Variants in PLEKHM3 observed in about 807,000 individuals in gnomAD.
PLEKHM3 encodes pleckstrin homology domain-containing family M member 3.
A neutral mutation model predicts 81.8 loss-of-function variants in PLEKHM3; 45 were observed. The observed-to-expected ratio is 0.55, with a 90% confidence interval of 0.43 to 0.71. The LOEUF (loss-of-function observed/expected upper bound fraction) is 0.71. Ranked by LOEUF, PLEKHM3 falls within the 30% of genes least tolerant of loss-of-function variation. PLEKHM3 has a pLI of 0.00. For missense variants in PLEKHM3, 788 were observed against 924.3 expected, an observed-to-expected ratio of 0.85 and a Z score of 1.91; for synonymous variants, 352 against 356.4, an observed-to-expected ratio of 0.99 and a Z score of 0.14.
Position 208,023,743 on chromosome 2 carries a change from C to T in PLEKHM3, c.-319+1646G>A, listed in dbSNP as rs374112093. Reference sequence around the variant, plus strand: ...CCCGCTCTGTGGAAAAATGGTCTTCCGGTCCCTGGTGCCAAAAACCACCAG... The same window carrying T: ...CCCGCTCTGTGGAAAAATGGTCTTCTGGTCCCTGGTGCCAAAAACCACCAG... On this transcript the variant is annotated intron_variant, in intron 1 of 7. Transcript: ENST00000427836. Among the ~76,000 whole-genome samples the T allele has an allele frequency of 4.1e-4, 63 of 152,206 alleles. 1 individual carries two copies. In the South Asian group the frequency reaches 0.013, roughly 32 times the overall value.
At chr2:207,846,009 C>G (rs376323849) in intron 7 of PLEKHM3, among the ~76,000 whole-genome samples, 1 of 152,184 alleles carries the variant, frequency 6.6e-6, no homozygotes. Flanking sequence ...GATCTTACTC[C>G]TTTTGTCAAT....
At position 208,001,264 on chromosome 2, in the gene PLEKHM3, G is replaced by A. The variant is rs575510801; in HGVS notation, c.376C>T (p.Arg126Trp). ...TTTACAGAACGAGGCCGGTCCCTCC[G>A]ACGCTGACAGATATTGAAGAAATTA... is the stretch of plus-strand genomic sequence containing the variant. ...TFNFFNICQR[R>W]RDRPRSVNDL... is the part of the protein sequence containing the mutation. The change falls in exon 2 of 8, where the codon CGG (arginine) becomes TGG (tryptophan). Residue 126 changes from arginine to tryptophan, a missense_variant. Arg to Trp is a moderately radical substitution (Grantham distance 101). Transcript: ENST00000427836. The A allele has an allele frequency of 3.0e-5, 48 of 1,614,146 alleles. No homozygotes were observed. The highest frequency in any genetic ancestry group is 1.1e-4 in the East Asian group (5 of 44,874).
rs55687340 is a variant in PLEKHM3, at chr2:207,832,994, C to A, written c.2109-4498G>T. Among the ~76,000 whole-genome samples the A allele has an allele frequency of 5.2e-3, 796 of 151,852 alleles. 9 individuals carry two copies. Among genetic ancestry groups the A allele is most frequent in the African/African-American group, 0.018 (756 of 41,378 alleles). On this transcript the variant is annotated intron_variant, in intron 7 of 7. Transcript: ENST00000427836. ...AGGCGTGGTGGCGTGTGCCTGTAAT[C>A]CCAGCTACCTGTGAGGCTAAGGCAC...
At chr2:207,867,145 T>C (rs2092506079) in intron 6 of PLEKHM3, among the ~76,000 whole-genome samples, 1 of 152,212 alleles carries the variant, frequency 6.6e-6, no homozygotes, top group Non-Finnish European at 1.5e-5. Context: ...CTGTCAGCAG[T>C]CATATCTTAG....
chr2:207,865,243 C>T (rs2092489134), intron 6 of PLEKHM3, among the ~76,000 whole-genome samples: 1 of 152,154 alleles, frequency 6.6e-6, no homozygotes, highest in Non-Finnish European at 1.5e-5. Context: ...TCCCGTCATT[C>T]ACCACATTTC....
chr2:207,853,136 T>C (rs2092421226), intron 7 of PLEKHM3, among the ~76,000 whole-genome samples: 1 of 152,250 alleles, frequency 6.6e-6, no homozygotes, highest in Non-Finnish European at 1.5e-5. Context: ...GTATGCTCAA[T>C]AGATTATTTA....
At chr2:207,975,832 A>AAG in intron 3 of PLEKHM3, among the ~76,000 whole-genome samples, 1 of 151,326 alleles carries the variant, frequency 6.6e-6, no homozygotes, top group Non-Finnish European at 1.5e-5. Flanking sequence ...CCTGACCTCA[A>AAG]GTAATCCACC....
chr2:207,941,912 G>A (rs1477278407), intron 4 of PLEKHM3, among the ~76,000 whole-genome samples: 6 of 152,148 alleles, frequency 3.9e-5, no homozygotes, highest in Admixed American at 3.9e-4. Context: ...AAACCACAAT[G>A]AGATATCATC....
chr2:207,851,828 AGGTTGC>A (rs2092414483), intron 7 of PLEKHM3: 1 of 149,626 alleles, frequency 6.7e-6, no homozygotes, highest in South Asian at 2.1e-4. Context: ...AATGGAGGGG[AGGTTGC>A]TTTGGTGCAA....
At chr2:207,979,811 A>G (rs958882309) in intron 2 of PLEKHM3, among the ~76,000 whole-genome samples, 17 of 152,200 alleles carry the variant, frequency 1.1e-4, no homozygotes, top group Middle Eastern at 3.2e-3. Context: ...CAAAAGAGAA[A>G]AGGAGAGAAA....
intron 5 of PLEKHM3, among the ~76,000 whole-genome samples, chr2:207,922,572 G>A (rs530071326): frequency 6.6e-6 from 1 of 152,178 alleles, no homozygotes; most frequent in South Asian, 2.1e-4. Flanking sequence ...CAGCACTTTG[G>A]GAGGCCGAGG....
chr2:207,990,478 TAC>T (rs1691864178), intron 2 of PLEKHM3, among the ~76,000 whole-genome samples: 1 of 152,200 alleles, frequency 6.6e-6, no homozygotes, highest in Non-Finnish European at 1.5e-5. Context: ...GTTAATAAAA[TAC>T]AGTTTTCCAA....
chr2:207,986,257 C>A (rs35726860), intron 2 of PLEKHM3, among the ~76,000 whole-genome samples: 87,793 of 151,990 alleles, frequency 0.58, 28,757 homozygotes, highest in Non-Finnish European at 0.73. Context: ...TAAGATTAAT[C>A]AATGTGAAAA....
At chr2:207,938,672 A>G (rs1408990951) in intron 4 of PLEKHM3, among the ~76,000 whole-genome samples, 1 of 152,238 alleles carries the variant, frequency 6.6e-6, no homozygotes, top group Non-Finnish European at 1.5e-5. Context: ...CACCAGGTCC[A>G]CTTTTGCTTT....
chr2:208,007,478 G>A (rs1205887258), intron 1 of PLEKHM3, among the ~76,000 whole-genome samples: 1 of 152,072 alleles, frequency 6.6e-6, no homozygotes, highest in African/African-American at 2.4e-5. Context: ...AAAGAGCTCA[G>A]AGGCCTATCA....
intron 1 of PLEKHM3, among the ~76,000 whole-genome samples, chr2:208,018,847 C>T (rs774415483): frequency 2.6e-4 from 40 of 152,088 alleles, no homozygotes; most frequent in Non-Finnish European, 3.4e-4. Context: ...TCTCTCTCTA[C>T]CCCTACCCTC....
intron 4 of PLEKHM3, among the ~76,000 whole-genome samples, chr2:207,943,878 A>G (rs569862382): frequency 6.6e-6 from 1 of 151,506 alleles, no homozygotes; most frequent in South Asian, 2.1e-4. Context: ...AAAAAAAAAA[A>G]AAAAAAAAAA....
intron 6 of PLEKHM3, among the ~76,000 whole-genome samples, chr2:207,882,968 G>A (rs555768929): frequency 2.0e-5 from 3 of 152,004 alleles, no homozygotes; most frequent in African/African-American, 4.8e-5. Context: ...GGCTGGTCTC[G>A]AACTCCTGAC....
chr2:207,863,926 T>C (rs1302742371), intron 6 of PLEKHM3, among the ~76,000 whole-genome samples: 2 of 151,250 alleles, frequency 1.3e-5, no homozygotes, highest in Admixed American at 1.3e-4. Flanking sequence ...TATATATATA[T>C]ATTAGAAAAG....
Sources: allele counts gnomAD v4.1 joint callset (sites outside exome capture counted in the v4.1 genomes callset), GRCh38; gene constraint gnomAD v4.1.1; transcripts MANE v1.5; gene names NCBI Gene and HGNC (gene_info 2026-07-23, HGNC 2026-07-21).